PDE1C: variants seen among roughly 807,000 people sequenced by gnomAD.
The protein encoded by PDE1C is phosphodiesterase 1C, also known as dual specificity calcium/calmodulin-dependent 3',5'-cyclic nucleotide phosphodiesterase 1C.
Under a neutral mutation model 93.1 loss-of-function variants are expected in PDE1C, and 62 were observed. The ratio of observed to expected loss-of-function variants is 0.67; its 90% CI spans 0.54 to 0.82. The LOEUF is 0.82. Ranked by LOEUF, PDE1C falls within the 40% of genes least tolerant of loss-of-function variation. The probability of loss-of-function intolerance (pLI) is 0.00; values close to 1 mark genes in which losing one functional copy is unlikely to be tolerated. For synonymous variants in PDE1C, 325 were observed against 310.1 expected, an observed-to-expected ratio of 1.05 and a Z score of -0.50; for missense variants, 742 against 884.6, an observed-to-expected ratio of 0.84 and a Z score of 2.04.
At chr7:31,945,243 C>T (rs1158863266) in intron 2 of PDE1C, among the ~76,000 whole-genome samples, 3 of 152,038 alleles carry the variant, frequency 2.0e-5, no homozygotes, top group East Asian at 1.9e-4. Flanking sequence ...ACATTGATAT[C>T]ATTATTGCTT....
chr7:31,896,405 T>A (rs55917694), intron 2 of PDE1C, among the ~76,000 whole-genome samples: 6 of 152,318 alleles, frequency 3.9e-5, no homozygotes, highest in African/African-American at 7.2e-5. Flanking sequence ...TTCTGTCTGT[T>A]CACTCCTACT....
At chr7:32,319,456 G>GGAGA (rs3079618) in intron 1 of PDE1C, among the ~76,000 whole-genome samples, 88,885 of 151,664 alleles carry the variant, frequency 0.59, 27,431 homozygotes, top group Admixed American at 0.71. Flanking sequence ...AGCCATCACC[G>GGAGA]GAGAACCAGC....
chr7:31,906,798 A>G (rs1381638810), intron 2 of PDE1C, among the ~76,000 whole-genome samples: 1 of 152,142 alleles, frequency 6.6e-6, no homozygotes, highest in Admixed American at 6.6e-5. Context: ...TAAATACCCA[A>G]TATTTCCATT....
chr7:31,803,433 T>C (rs1032220030), intron 16 of PDE1C, among the ~76,000 whole-genome samples: 2 of 151,606 alleles, frequency 1.3e-5, no homozygotes, highest in East Asian at 3.9e-4. Context: ...CTTTAAGTTT[T>C]AGGGTACATG....
intron 1 of PDE1C, among the ~76,000 whole-genome samples, chr7:32,284,553 G>T (rs1053539075): frequency 1.3e-5 from 2 of 152,152 alleles, no homozygotes; most frequent in Non-Finnish European, 2.9e-5. Flanking sequence ...TCTCCTAACT[G>T]CCCTCTCTCT....
At chr7:32,021,340 C>T (rs1178336495) in intron 2 of PDE1C, among the ~76,000 whole-genome samples, 1 of 152,086 alleles carries the variant, frequency 6.6e-6, no homozygotes, top group African/African-American at 2.4e-5. Context: ...GCTTTGTAAA[C>T]TTTTATCTAC....
upstream of PDE1C, chr7:32,071,403 C>A (rs1254631455): frequency 3.0e-6 from 3 of 985,420 alleles, no homozygotes; most frequent in East Asian, 1.1e-4. Flanking sequence ...GGGAACCACA[C>A]ACCACACTCA....
chr7:31,914,385 T>A (rs1161579282), intron 2 of PDE1C, among the ~76,000 whole-genome samples: 1 of 152,220 alleles, frequency 6.6e-6, no homozygotes, highest in Non-Finnish European at 1.5e-5. Flanking sequence ...ACTTAGTGAT[T>A]CTACATCCAA....
At chr7:31,745,315 G>A in the PDE1C span, among the ~76,000 whole-genome samples, 33 of 152,210 alleles carry the variant, frequency 2.2e-4, no homozygotes, top group African/African-American at 7.7e-4. Flanking sequence ...TCCCTATCTT[G>A]TTTCCATTTG....
chr7:31,647,814 A>AC, the PDE1C span, among the ~76,000 whole-genome samples: 9 of 152,078 alleles, frequency 5.9e-5, no homozygotes, highest in Admixed American at 3.3e-4. Flanking sequence ...TCATTATCTT[A>AC]CCCCCCTAAT....
At chr7:31,639,092 A>G in the PDE1C span, among the ~76,000 whole-genome samples, 1 of 152,012 alleles carries the variant, frequency 6.6e-6, no homozygotes, top group Non-Finnish European at 1.5e-5. Context: ...TTTGATTTTC[A>G]TGTGCCTTGG....
intron 2 of PDE1C, among the ~76,000 whole-genome samples, chr7:32,015,391 T>C (rs779055959): frequency 1.3e-5 from 2 of 152,038 alleles, no homozygotes; most frequent in Non-Finnish European, 2.9e-5. Flanking sequence ...ACTACTGACA[T>C]TGTTAACGCC....
chr7:32,421,549 A>G (rs1025335633), intron 1 of PDE1C, among the ~76,000 whole-genome samples: 1 of 152,214 alleles, frequency 6.6e-6, no homozygotes, highest in African/African-American at 2.4e-5. Flanking sequence ...GGGCTCAGAG[A>G]AATTAGTGCC....
chr7:32,051,780 T>C (rs1793415860), intron 1 of PDE1C, among the ~76,000 whole-genome samples, 200 bp from the exon 2 acceptor site: 1 of 152,158 alleles, frequency 6.6e-6, no homozygotes, highest in South Asian at 2.1e-4. Flanking sequence ...AACCTAAGCC[T>C]TTAGTAAAAA....
chr7:32,417,880 C>T (rs1398651317), intron 1 of PDE1C, among the ~76,000 whole-genome samples: 2 of 152,192 alleles, frequency 1.3e-5, no homozygotes, highest in Non-Finnish European at 2.9e-5. Context: ...AATTTGAATG[C>T]TATCTCTTGT....
At chr7:31,740,322 A>G in the PDE1C span, among the ~76,000 whole-genome samples, 119,697 of 152,066 alleles carry the variant, frequency 0.79, 47,434 homozygotes, top group Non-Finnish European at 0.84. Flanking sequence ...TTTTTTTCCA[A>G]GCAGTGAATG....
the PDE1C span, among the ~76,000 whole-genome samples, chr7:31,711,925 G>A: frequency 4.6e-5 from 7 of 152,112 alleles, no homozygotes; most frequent in Admixed American, 1.3e-4. Context: ...TGCCATGGCT[G>A]GGGACCCTCC....
chr7:32,336,091 G>A (rs573852244), intron 1 of PDE1C, among the ~76,000 whole-genome samples: 2 of 152,278 alleles, frequency 1.3e-5, no homozygotes, highest in East Asian at 1.9e-4. Flanking sequence ...CAGTTCAGCC[G>A]ATAACAAGTT....
chr7:31,658,464 A>C, the PDE1C span: 1 of 1,347,318 alleles, frequency 7.4e-7, no homozygotes, highest in Admixed American at 2.9e-5. Context: ...GAACATTTGT[A>C]AAGAGGTTAG....
Sources: allele counts gnomAD v4.1 joint callset (sites outside exome capture counted in the v4.1 genomes callset), GRCh38; gene constraint gnomAD v4.1.1; transcripts MANE v1.5; gene names NCBI Gene and HGNC (gene_info 2026-07-23, HGNC 2026-07-21).